Variants in TRPM1 observed in about 807,000 individuals in gnomAD.
TRPM1 encodes transient receptor potential cation channel subfamily M member 1.
TRPM1 carries 113 observed loss-of-function variants against 149.4 expected under a neutral mutation model. The ratio of observed to expected loss-of-function variants is 0.76; its 90% CI spans 0.65 to 0.88. The LOEUF (loss-of-function observed/expected upper bound fraction) is 0.88. TRPM1 is among the 40% of genes least tolerant of loss of function. The probability of loss-of-function intolerance (pLI) is 0.00; values close to 1 mark genes in which losing one functional copy is unlikely to be tolerated. For synonymous variants in TRPM1, 741 were observed against 759.5 expected (o/e 0.98, Z 0.40); for missense variants, 1,976 against 2,038.7 (o/e 0.97, Z 0.59).
At chr15:31,118,655 TG>T (rs2035835559) in intron 1 of TRPM1, among the ~76,000 whole-genome samples, 1 of 152,228 alleles carries the variant, frequency 6.6e-6, no homozygotes, top group Non-Finnish European at 1.5e-5. Flanking sequence ...AACTCTCTTC[TG>T]GGTTGAAGAT....
chr15:31,150,001 A>G (rs1385635940), intron 1 of TRPM1, among the ~76,000 whole-genome samples: 1 of 152,182 alleles, frequency 6.6e-6, no homozygotes, highest in Non-Finnish European at 1.5e-5. Context: ...CCTGGGCGGC[A>G]GAAGGAGGAG....
Position 31,066,359 on chromosome 15 carries a change from C to A in TRPM1, c.619-112G>T, listed in dbSNP as rs902841575. 40 of 1,147,454 alleles carry A rather than the reference C, an allele frequency of 3.5e-5. No individual in the cohort carries two copies. In the South Asian group the frequency reaches 5.1e-4, roughly 15 times the overall value. 71.1% of individuals were successfully genotyped at this position (1,147,454 alleles called of 1,614,324 possible). A position where few individuals can be genotyped will look rare whatever the true frequency, so the allele number is the denominator to read the frequency against. ...GTGACTGCACTAAAACTTATTCTCA[C>A]ATCTCTACCCTGCCTTTTGAAGGTT... On this transcript the variant is annotated intron_variant, in intron 6 of 27. Coordinates refer to ENST00000256552, the MANE Select transcript of TRPM1 (RefSeq NM_001252024.2).
chr15:31,094,846 A>G (rs1350040211), intron 1 of TRPM1, among the ~76,000 whole-genome samples: 1 of 152,276 alleles, frequency 6.6e-6, no homozygotes, highest in Non-Finnish European at 1.5e-5. Context: ...TAGAATTACC[A>G]TATGACCCAG....
At chr15:31,151,575 G>A (rs748239634) in intron 1 of TRPM1, among the ~76,000 whole-genome samples, 8 of 152,248 alleles carry the variant, frequency 5.3e-5, no homozygotes, top group Non-Finnish European at 1.2e-4. Flanking sequence ...TGGGCATGGG[G>A]TGCTCTGGCC....
At position 31,033,153 on chromosome 15, in the gene TRPM1, A is replaced by G. The variant is rs550765923; in HGVS notation, c.2701-213T>C. Reference sequence around the variant, plus strand: ...CTATTCTTAGATTCAGGGTTTTACAAACTCAGGAAATGCCTTCTAAATTAT... The same window carrying G: ...CTATTCTTAGATTCAGGGTTTTACAGACTCAGGAAATGCCTTCTAAATTAT... On this transcript the variant is annotated intron_variant, in intron 21 of 27. Transcript: ENST00000256552. The G allele has an allele frequency of 6.7e-5, 43 of 646,352 alleles. No homozygotes were observed. In the Middle Eastern group the frequency reaches 1.7e-3, roughly 25 times the overall value. 40.0% of individuals were successfully genotyped at this position (646,352 alleles called of 1,614,324 possible).
chr15:31,070,247 G>GTTTTCTATCTT (rs753121412), intron 3 of TRPM1, 21 bp from the exon 4 acceptor site: 7 of 1,607,488 alleles, frequency 4.4e-6, no homozygotes, highest in African/African-American at 1.3e-5. Flanking sequence ...AGGCAAAGCA[G>GTTTTCTATCTT]GGTCTTTCTA....
chr15:31,122,723 A>C (rs1049984273), intron 1 of TRPM1, among the ~76,000 whole-genome samples: 3 of 152,204 alleles, frequency 2.0e-5, no homozygotes, highest in African/African-American at 7.2e-5. Flanking sequence ...TAGATAGGAA[A>C]ACTCAATATT....
chr15:31,067,563 C>T (rs1156623039), intron 5 of TRPM1, among the ~76,000 whole-genome samples: 4 of 152,044 alleles, frequency 2.6e-5, no homozygotes, highest in Admixed American at 2.6e-4. Flanking sequence ...GTTTCCTGTC[C>T]TATAACAGGA....
intron 11 of TRPM1, among the ~76,000 whole-genome samples, chr15:31,055,525 T>C (rs2034058424): frequency 1.3e-5 from 2 of 152,134 alleles, no homozygotes; most frequent in East Asian, 3.8e-4. Context: ...GAAGATGGTC[T>C]ACAGAGCAGG....
chr15:31,131,114 T>C (rs2036010417), intron 1 of TRPM1, among the ~76,000 whole-genome samples: 1 of 152,176 alleles, frequency 6.6e-6, no homozygotes, highest in African/African-American at 2.4e-5. Context: ...ATTCATAGGT[T>C]TTAAATTGCA....
At chr15:31,159,585 C>T (rs2036420404) in intron 1 of TRPM1, among the ~76,000 whole-genome samples, 2 of 152,182 alleles carry the variant, frequency 1.3e-5, no homozygotes, top group South Asian at 2.1e-4. Context: ...TGCGCCTGTC[C>T]CCCACTGAGC....
intron 27 of TRPM1, among the ~76,000 whole-genome samples, chr15:31,003,328 A>T (rs1025928389): frequency 1.7e-4 from 26 of 152,252 alleles, no homozygotes; most frequent in African/African-American, 6.3e-4. Context: ...TGTTCTCACT[A>T]ACAGGTACTT....
At chr15:31,140,567 A>C (rs539847855) in intron 1 of TRPM1, among the ~76,000 whole-genome samples, 7 of 152,138 alleles carry the variant, frequency 4.6e-5, no homozygotes, top group Non-Finnish European at 8.8e-5. Context: ...GGTTGTTAGA[A>C]AGAGTCTGGT....
chr15:31,098,215 C>T (rs183873314), intron 1 of TRPM1, among the ~76,000 whole-genome samples: 1 of 151,922 alleles, frequency 6.6e-6, no homozygotes, highest in Non-Finnish European at 1.5e-5. Flanking sequence ...CTGAGGTGGG[C>T]GGATCACCTG....
At chr15:31,051,642 G>C (rs2033951189) in intron 11 of TRPM1, among the ~76,000 whole-genome samples, 1 of 152,178 alleles carries the variant, frequency 6.6e-6, no homozygotes, top group South Asian at 2.1e-4. Flanking sequence ...TCTGGGCTCT[G>C]TCCTCAGCCT....
intron 26 of TRPM1, 52 bp from the exon 27 acceptor site, chr15:31,026,323 C>T: frequency 1.3e-6 from 2 of 1,599,384 alleles, no homozygotes; most frequent in Non-Finnish European, 8.5e-7. Context: ...GAATCAGTTT[C>T]GTGGCGTCAA....
At position 31,002,499 on chromosome 15, in the gene TRPM1, G is replaced by T. The variant is rs61734298; in HGVS notation, c.4201C>A (p.Pro1401Thr). 59,312 of 1,614,038 alleles carry T rather than the reference G, an allele frequency of 0.037. 1,212 individuals are homozygous for T. The highest frequency in any genetic ancestry group is 0.042 in the Middle Eastern group (256 of 6,062). Residue 1401 changes from proline (P) to threonine (T), a missense_variant, in exon 28 of 28, where the codon CCA becomes ACA. Transcript: ENST00000256552. Reference sequence around the variant, plus strand: ...ATCACATCTGTTTTATTTAAACTTGGGGAAATAGTTTCTTCTTTTTTAGAG... The same window carrying T: ...ATCACATCTGTTTTATTTAAACTTGTGGAAATAGTTTCTTCTTTTTTAGAG... The part of the protein sequence containing the change: ...TDSKKEETIS[P>T]SLNKTDVIHG...
chr15:31,156,026 G>A (rs897217303), intron 1 of TRPM1, among the ~76,000 whole-genome samples: 7 of 151,438 alleles, frequency 4.6e-5, no homozygotes, highest in Non-Finnish European at 7.4e-5. Flanking sequence ...GTGAAACCCC[G>A]TCTCTACTAA....
intron 2 of TRPM1, 143 bp from the exon 3 acceptor site, chr15:31,077,127 G>A: frequency 1.5e-6 from 1 of 674,848 alleles, no homozygotes; most frequent in Non-Finnish European, 2.7e-6. Context: ...AAGTCTTTAA[G>A]GATCTTAGCT....
Sources: allele counts gnomAD v4.1 joint callset (sites outside exome capture counted in the v4.1 genomes callset), GRCh38; gene constraint gnomAD v4.1.1; transcripts MANE v1.5; gene names NCBI Gene and HGNC (gene_info 2026-07-23, HGNC 2026-07-21).